Variants in SMNDC1 observed in about 807,000 individuals in gnomAD.
SMNDC1 encodes the protein survival of motor neuron-related-splicing factor 30.
SMNDC1 carries 5 observed loss-of-function variants against 29.2 expected under a neutral mutation model. The observed-to-expected ratio is 0.17, with a 90% confidence interval of 0.09 to 0.36. The LOEUF (loss-of-function observed/expected upper bound fraction) is 0.36, where lower values mean the gene tolerates loss of function less well. Ranked by LOEUF, SMNDC1 falls within the 10% of genes least tolerant of loss-of-function variation. The pLI is 1.00. For synonymous variants in SMNDC1, 80 were observed against 89.9 expected, an observed-to-expected ratio of 0.89 and a Z score of 0.62; for missense variants, 142 against 268.5, an observed-to-expected ratio of 0.53 and a Z score of 3.29.
intron 2 of SMNDC1, among the ~76,000 whole-genome samples, chr10:110,302,179 A>G (rs2134504538): frequency 6.6e-6 from 1 of 152,286 alleles, no homozygotes; most frequent in African/African-American, 2.4e-5. Flanking sequence ...CTCATCTTCA[A>G]TGTATACTCA....
intron 1 of SMNDC1, chr10:110,304,283 G>A (rs988667965): frequency 2.0e-5 from 3 of 152,132 alleles, no homozygotes; most frequent in Non-Finnish European, 4.4e-5. Flanking sequence ...CCACGTTTCC[G>A]AGGACCCTTC....
intron 5 of SMNDC1, 124 bp from the exon 6 acceptor site, chr10:110,294,411 T>TAG: frequency 1.3e-6 from 1 of 778,238 alleles, no homozygotes; most frequent in Non-Finnish European, 1.9e-6. Context: ...CATATTGCCT[T>TAG]TGTTTAGTGT....
intron 2 of SMNDC1, among the ~76,000 whole-genome samples, chr10:110,303,183 C>T (rs1857681506): frequency 1.3e-5 from 2 of 152,192 alleles, no homozygotes; most frequent in South Asian, 4.1e-4. Context: ...TTACATGTAC[C>T]TCTCGTCTTG....
In SMNDC1 at chr10:110,293,911, T is replaced by C; in HGVS notation, c.*239A>G. The C allele has an allele frequency of 3.1e-6, 1 of 324,862 alleles. No homozygotes were observed. The highest frequency in any genetic ancestry group is 2.2e-5 in the African/African-American group (1 of 46,300). The allele number at this position is 324,862 out of a possible 1,614,324, so 20.1% of individuals were successfully genotyped here. ...CATCTAAGTGCTGTATGAAACAGCA[T>C]CTACAAAAGTTGCTTTATTCAACAA... is the stretch of plus-strand genomic sequence containing the variant. On this transcript the variant is annotated 3_prime_UTR_variant, in exon 6 of 6. Coordinates refer to ENST00000369603, the MANE Select transcript of SMNDC1 (RefSeq NM_005871.4).
At chr10:110,295,454 A>G in intron 4 of SMNDC1, 73 bp from the exon 5 acceptor site, 1 of 1,210,722 alleles carries the variant, frequency 8.3e-7, no homozygotes, top group Non-Finnish European at 1.1e-6. Context: ...AGACACCGGC[A>G]GTGCAAAAAA....
intron 2 of SMNDC1, 50 bp from the exon 3 acceptor site, chr10:110,298,840 T>C (rs1235327037): frequency 6.9e-7 from 1 of 1,452,306 alleles, no homozygotes; most frequent in East Asian, 2.4e-5. Context: ...ATTCTCATTG[T>C]CAACTTAGTT....
intron 2 of SMNDC1, among the ~76,000 whole-genome samples, chr10:110,302,729 T>C (rs2134505006): frequency 1.3e-5 from 2 of 152,330 alleles, no homozygotes; most frequent in South Asian, 4.1e-4. Flanking sequence ...ATATATGGCA[T>C]TTTTCTGAAT....
In SMNDC1 at chr10:110,297,699, T is replaced by C; in HGVS notation, c.293A>G (p.Asp98Gly). 1 of 1,613,992 alleles carries C rather than the reference T, an allele frequency of 6.2e-7. No homozygotes were observed. The highest frequency in any genetic ancestry group is 8.5e-7 in the Non-Finnish European group (1 of 1,179,932). ...GATTGCAGCGGTGCCATTTTCTTCA[T>C]CTATCTCCTCAATCTCCGCTTCATA... The part of the protein sequence containing the change: ...QCYEAEIEEI[D>G]EENGTAAITF... The change falls in exon 4 of 6, where the codon GAT (aspartate) becomes GGT (glycine). Residue 98 changes from aspartate (D) to glycine (G), a missense_variant. Physicochemically the swap from Asp to Gly is moderately conservative, Grantham distance 94 (BLOSUM62 -1). Coordinates refer to ENST00000369603, the MANE Select transcript of SMNDC1 (RefSeq NM_005871.4).
chr10:110,297,790 T>A, intron 3 of SMNDC1, 62 bp from the exon 4 acceptor site: 1 of 1,372,982 alleles, frequency 7.3e-7, no homozygotes, highest in Middle Eastern at 1.9e-4. Flanking sequence ...CTACAAGACT[T>A]ATACTGTAGT....
chr10:110,298,862 C>A, intron 2 of SMNDC1, 72 bp from the exon 3 acceptor site: 1 of 1,177,250 alleles, frequency 8.5e-7, no homozygotes, highest in South Asian at 1.3e-5. Context: ...CTGATGACAG[C>A]CTTCATACTG....
intron 4 of SMNDC1, among the ~76,000 whole-genome samples, chr10:110,296,797 T>C (rs939600721): frequency 2.6e-5 from 4 of 152,190 alleles, no homozygotes; most frequent in Non-Finnish European, 5.9e-5. Flanking sequence ...ACCACCCACC[T>C]TCCAGGCCCC....
At position 110,291,959 on chromosome 10, in the gene SMNDC1, T is replaced by C. The variant is rs1857504482; in HGVS notation, c.*2191A>G. The C allele has an allele frequency of 6.6e-6, 1 of 152,198 alleles. No individual in the cohort carries two copies. The highest frequency in any genetic ancestry group is 1.5e-5 in the Non-Finnish European group (1 of 68,026). 9.4% of individuals were successfully genotyped at this position (152,198 alleles called of 1,614,324 possible). A position where few individuals can be genotyped will look rare whatever the true frequency, so the allele number is the denominator to read the frequency against. The stretch of plus-strand genomic sequence containing the variant: ...TATTTAACATTTCAGTCTGTCACAG[T>C]TTCAAAGCTTCAAGTCTCCTTTCTT... On this transcript the variant is annotated 3_prime_UTR_variant, in exon 6 of 6. Transcript: ENST00000369603.
In SMNDC1 at chr10:110,293,965, G is replaced by A; in HGVS notation, c.*185C>T. ...TTGAGGGAACCGTGGTACTGATAATGAGAAAAGTTAAATGAATAGCAGTTA... is the reference window on the plus strand; with the variant it reads ...TTGAGGGAACCGTGGTACTGATAATAAGAAAAGTTAAATGAATAGCAGTTA... On this transcript the variant is annotated 3_prime_UTR_variant, in exon 6 of 6. Transcript: ENST00000369603. 2.1e-6 allele frequency: 1 copy of A among 470,904 alleles called. No individual in the cohort carries two copies. The highest frequency in any genetic ancestry group is 3.7e-5 in the East Asian group (1 of 26,846). The allele number at this position is 470,904 out of a possible 1,614,324, so 29.2% of individuals were successfully genotyped here.
At position 110,291,172 on chromosome 10, in the gene SMNDC1, CG is replaced by C. The variant is rs2134494756; in HGVS notation, c.*2977del. On this transcript the variant is annotated 3_prime_UTR_variant, in exon 6 of 6. Transcript: ENST00000369603. ...ACTTTTATAGTTAACAGTTCTCAGA[CG>C]GGGATGCACATCAGGATCACCTGCG... 6.6e-6 allele frequency: 1 copy of C among 152,260 alleles called. No homozygotes were observed. The highest frequency in any genetic ancestry group is 1.9e-4 in the East Asian group (1 of 5,182). 9.4% of individuals were successfully genotyped at this position (152,260 alleles called of 1,614,324 possible).
rs1857506080 is a variant in SMNDC1, at chr10:110,292,141, T to C, written c.*2009A>G. On this transcript the variant is annotated 3_prime_UTR_variant, in exon 6 of 6. Transcript: ENST00000369603. ...CATCTTCTCAAATTCAGTATCACACTGTGACAGGTAGTCTCCCCAGGAGTC... is the reference window on the plus strand; with the variant it reads ...CATCTTCTCAAATTCAGTATCACACCGTGACAGGTAGTCTCCCCAGGAGTC... 6.6e-6 allele frequency: 1 copy of C among 152,198 alleles called. No homozygotes were observed. Among genetic ancestry groups the C allele is most frequent in the Non-Finnish European group, 1.5e-5 (1 of 68,028 alleles). The allele number at this position is 152,198 out of a possible 1,614,324, so 9.4% of individuals were successfully genotyped here. A position where few individuals can be genotyped will look rare whatever the true frequency, so the allele number is the denominator to read the frequency against.
intron 1 of SMNDC1, chr10:110,304,162 C>A (rs1178474600): frequency 6.6e-6 from 1 of 152,262 alleles, no homozygotes; most frequent in Admixed American, 6.5e-5. Context: ...AGCACAGGTA[C>A]TCTCCCATTT....
In SMNDC1 at chr10:110,294,155, G is replaced by T; in HGVS notation, c.712C>A (p.Gln238Lys). 1 of 1,581,366 alleles carries T rather than the reference G, an allele frequency of 6.3e-7. No homozygotes were observed. The change falls in exon 6 of 6, where the codon CAA (glutamine) becomes AAA (lysine). Residue 238 changes from glutamine to lysine, a missense_variant. Coordinates refer to ENST00000369603, the MANE Select transcript of SMNDC1 (RefSeq NM_005871.4). ...AAATCCAACAGTTTTTCTGATTATT[G>T]AGGCATCAAATGCCTGACATTGTAT... Reference protein sequence around the residue: ...SKYNVRHLMPQ With the variant: ...SKYNVRHLMPK
At chr10:110,303,798 AG>A (rs1334203510) in intron 1 of SMNDC1, 1 of 494,682 alleles carries the variant, frequency 2.0e-6, no homozygotes, top group African/African-American at 2.0e-5. Context: ...TATAAACTTG[AG>A]ATACATTCCA....
intron 3 of SMNDC1, 41 bp from the exon 4 acceptor site, chr10:110,297,769 T>C (rs1424256493): frequency 1.3e-6 from 2 of 1,577,910 alleles, no homozygotes; most frequent in Non-Finnish European, 1.7e-6. Context: ...AGTAAAGGTT[T>C]AGTACTCAGC....
Sources: allele counts gnomAD v4.1 joint callset (sites outside exome capture counted in the v4.1 genomes callset), GRCh38; gene constraint gnomAD v4.1.1; transcripts MANE v1.5; gene names NCBI Gene and HGNC (gene_info 2026-07-23, HGNC 2026-07-21).